Variants in SGCD observed in about 807,000 individuals in gnomAD.
The protein encoded by SGCD is delta-sarcoglycan.
Under a neutral mutation model 36.6 loss-of-function variants are expected in SGCD, and 18 were observed. The observed-to-expected ratio is 0.49, with a 90% confidence interval of 0.34 to 0.73. The LOEUF is 0.73. Among genes scored for constraint, SGCD ranks in the 30% least tolerant of loss-of-function variants. The pLI is 0.01. For synonymous variants in SGCD, 133 were observed against 130.6 expected (o/e 1.02, Z -0.12); for missense variants, 387 against 346.7 (o/e 1.12, Z -0.92).
intron 1 of SGCD, among the ~76,000 whole-genome samples, chr5:156,094,243 G>C (rs1053164335): frequency 2.0e-5 from 3 of 152,178 alleles, no homozygotes; most frequent in Non-Finnish European, 2.9e-5. Flanking sequence ...GGATCTGTAA[G>C]GGGGAGGGTG....
chr5:155,990,512 T>G (rs991028977), intron 1 of SGCD, among the ~76,000 whole-genome samples: 1 of 152,192 alleles, frequency 6.6e-6, no homozygotes, highest in Non-Finnish European at 1.5e-5. Flanking sequence ...GATTTCCACA[T>G]GAATTGAGGA....
chr5:155,765,450 GAGGAAGGA>G, the SGCD span, among the ~76,000 whole-genome samples: 2 of 131,820 alleles, frequency 1.5e-5, no homozygotes, highest in African/African-American at 2.9e-5. Context: ...GGGTGGGAGG[GAGGAAGGA>G]AGGAAGGAAG....
In SGCD at chr5:156,347,785, C is replaced by G. The variant is rs149969871; in HGVS notation, c.192+3108C>G. On this transcript the variant is annotated intron_variant, in intron 3 of 8. Transcript: ENST00000337851. ...ATACTGCTTCTAGAGTATGTTTTAT[C>G]TGGAAGACTTAATAGAAGTATATGT... Among the ~76,000 whole-genome samples the G allele has an allele frequency of 2.2e-3, 334 of 152,168 alleles. 1 individual carries two copies. The highest frequency in any genetic ancestry group is 0.014 in the Middle Eastern group (4 of 294).
rs1042924353 is a variant in SGCD, at chr5:156,488,106, T to A, written c.193-20495T>A. 3.8e-3 allele frequency among the ~76,000 whole-genome samples: 527 copies of A among 138,498 alleles called. 8 individuals carry two copies. Among genetic ancestry groups the A allele is most frequent in the African/African-American group, 0.015 (506 of 34,786 alleles). 90.9% of individuals were successfully genotyped at this position (138,498 alleles called of 152,430 possible). On this transcript the variant is annotated intron_variant, in intron 3 of 8. Coordinates refer to ENST00000337851, the MANE Select transcript of SGCD (RefSeq NM_000337.6). ...TCTGAACTTGAAGACAGGTTTTTTT[T>A]TTTTTTTTTTTTTTTTTTAAATAAC...
the SGCD span, among the ~76,000 whole-genome samples, chr5:155,863,950 A>G: frequency 6.6e-6 from 1 of 152,026 alleles, no homozygotes; most frequent in Non-Finnish European, 1.5e-5. Flanking sequence ...GGACAGACAA[A>G]TAAACAATCA....
At chr5:156,248,625 G>C (rs747149902) in intron 3 of SGCD, among the ~76,000 whole-genome samples, 5 of 152,112 alleles carry the variant, frequency 3.3e-5, no homozygotes, top group Non-Finnish European at 7.4e-5. Flanking sequence ...GCTGGGCGCT[G>C]GGCTTCGTAG....
At chr5:155,938,053 T>A (rs1040113913) in intron 1 of SGCD, among the ~76,000 whole-genome samples, 1 of 152,200 alleles carries the variant, frequency 6.6e-6, no homozygotes, top group Non-Finnish European at 1.5e-5. Flanking sequence ...TCTGGTCACA[T>A]ACAGACATGA....
At chr5:156,711,429 G>T (rs1261543739) in intron 7 of SGCD, among the ~76,000 whole-genome samples, 1 of 151,972 alleles carries the variant, frequency 6.6e-6, no homozygotes, top group Non-Finnish European at 1.5e-5. Flanking sequence ...CAGATAAGAA[G>T]GAAAGTGAAG....
At chr5:156,308,417 G>C (rs551690296) in intron 3 of SGCD, among the ~76,000 whole-genome samples, 1 of 151,832 alleles carries the variant, frequency 6.6e-6, no homozygotes, top group South Asian at 2.1e-4. Flanking sequence ...TGCTGCCTCA[G>C]CCTCCCGAGT....
chr5:155,954,223 A>G (rs561131828), intron 1 of SGCD, among the ~76,000 whole-genome samples: 8 of 152,288 alleles, frequency 5.3e-5, no homozygotes, highest in African/African-American at 1.9e-4. Flanking sequence ...TCCTTGTCTC[A>G]TCAGTAATTA....
intron 7 of SGCD, among the ~76,000 whole-genome samples, chr5:156,749,773 T>C (rs1757082824): frequency 6.6e-6 from 1 of 152,108 alleles, no homozygotes; most frequent in African/African-American, 2.4e-5. Context: ...GCTGTAATTA[T>C]TTTTTGGTGG....
At chr5:156,605,735 A>G (rs1213661505) in intron 6 of SGCD, among the ~76,000 whole-genome samples, 1 of 152,130 alleles carries the variant, frequency 6.6e-6, no homozygotes, top group African/African-American at 2.4e-5. Context: ...TTTAATGACC[A>G]CCATTCTAAC....
At chr5:155,916,060 C>T (rs1451977344) in intron 1 of SGCD, among the ~76,000 whole-genome samples, 1 of 152,142 alleles carries the variant, frequency 6.6e-6, no homozygotes, top group Non-Finnish European at 1.5e-5. Flanking sequence ...CCCCGGAGGC[C>T]ATATGTTCAT....
intron 3 of SGCD, among the ~76,000 whole-genome samples, chr5:156,158,097 G>C (rs1340922987): frequency 6.6e-6 from 1 of 151,218 alleles, no homozygotes; most frequent in Non-Finnish European, 1.5e-5. Flanking sequence ...TAGCCCTTAG[G>C]TTCCCACTGG....
At chr5:156,161,192 C>T (rs1484089566) in intron 3 of SGCD, among the ~76,000 whole-genome samples, 6 of 151,598 alleles carry the variant, frequency 4.0e-5, no homozygotes, top group Admixed American at 2.0e-4. Context: ...TATCAAAGAT[C>T]GGGAATTTTT....
chr5:156,384,651 A>T (rs913547027), intron 3 of SGCD, among the ~76,000 whole-genome samples: 4 of 141,816 alleles, frequency 2.8e-5, no homozygotes, highest in African/African-American at 1.2e-4. Context: ...ATTAAAAAAC[A>T]TCTCAAAAAG....
At chr5:156,376,383 A>G (rs1233756065) in intron 3 of SGCD, among the ~76,000 whole-genome samples, 2 of 152,240 alleles carry the variant, frequency 1.3e-5, no homozygotes, top group African/African-American at 2.4e-5. Flanking sequence ...GGGGCTAGGA[A>G]GTGCTAACCC....
chr5:156,268,634 C>T (rs144931866), intron 3 of SGCD, among the ~76,000 whole-genome samples: 43 of 151,832 alleles, frequency 2.8e-4, no homozygotes, highest in African/African-American at 8.9e-4. Context: ...CTCTTGTTGC[C>T]GAGGCTGGAG....
the SGCD span, among the ~76,000 whole-genome samples, chr5:155,848,710 G>T: frequency 1.3e-5 from 2 of 152,052 alleles, no homozygotes; most frequent in Non-Finnish European, 2.9e-5. Context: ...CCAGCTATTT[G>T]TGAAATAAAT....
Sources: allele counts gnomAD v4.1 joint callset (sites outside exome capture counted in the v4.1 genomes callset), GRCh38; gene constraint gnomAD v4.1.1; transcripts MANE v1.5; gene names NCBI Gene and HGNC (gene_info 2026-07-23, HGNC 2026-07-21).